Variants in SMC2 observed in about 807,000 individuals in gnomAD.
SMC2 encodes structural maintenance of chromosomes protein 2.
Under a neutral mutation model 142.6 loss-of-function variants are expected in SMC2, and 41 were observed. The ratio of observed to expected loss-of-function variants is 0.29; its 90% CI spans 0.22 to 0.37. SMC2 has a LOEUF of 0.37. Ranked by LOEUF, SMC2 falls within the 10% of genes least tolerant of loss-of-function variation. The pLI is 1.00. For synonymous variants in SMC2, 463 were observed against 457.5 expected (o/e 1.01, Z -0.15); for missense variants, 1,265 against 1,373.7 (o/e 0.92, Z 1.25).
intron 23 of SMC2, among the ~76,000 whole-genome samples, chr9:104,136,781 A>G (rs569165867): frequency 1.3e-4 from 18 of 141,506 alleles, no homozygotes; most frequent in African/African-American, 3.4e-4. Flanking sequence ...TTGGCTAGCA[A>G]TTTTTCTCTA....
intron 23 of SMC2, among the ~76,000 whole-genome samples, chr9:104,135,545 G>A (rs1194048615): frequency 6.6e-6 from 1 of 152,128 alleles, no homozygotes; most frequent in Non-Finnish European, 1.5e-5. Context: ...ATGTTTTCCA[G>A]ATTTGATGAA....
upstream of SMC2, among the ~76,000 whole-genome samples, chr9:104,093,453 T>C (rs1830113125): frequency 6.6e-6 from 1 of 152,188 alleles, no homozygotes; most frequent in South Asian, 2.1e-4. Flanking sequence ...CTTGGTCTCA[T>C]TTAACTCATT....
chr9:104,129,818 G>A lies in SMC2; in HGVS notation c.2964G>A (p.Met988Ile). 1 of 1,613,646 alleles carries A rather than the reference G, an allele frequency of 6.2e-7. No individual in the cohort carries two copies. The highest frequency in any genetic ancestry group is 8.5e-7 in the Non-Finnish European group (1 of 1,179,788). ...KLGRNVNMRA[M>I]NVLTEAEERY... ...GAAGAAATGTCAATATGAGAGCTAT[G>A]AATGTATTGACAGAAGCTGAAGAGC... The change falls in exon 21 of 25, where the codon ATG (methionine) becomes ATA (isoleucine). Residue 988 changes from methionine (M) to isoleucine (I), a missense_variant. By Grantham distance (10) the Met-to-Ile change is conservative. Coordinates refer to ENST00000374793, the MANE Select transcript of SMC2 (RefSeq NM_006444.3).
Position 104,131,989 on chromosome 9 carries a change from C to G in SMC2, c.2992-20C>G. ...AGAGATTTTATATTTTCCCAGTTAA[C>G]CATGTTTTTTATCTCATAGTACAAT... On this transcript the variant is annotated intron_variant, in intron 21 of 24. Coordinates refer to ENST00000374793, the MANE Select transcript of SMC2 (RefSeq NM_006444.3). 2 of 1,182,990 alleles carry G rather than the reference C, an allele frequency of 1.7e-6. No homozygotes were observed. Among genetic ancestry groups the G allele is most frequent in the South Asian group, 1.3e-5 (1 of 74,320 alleles). The allele number at this position is 1,182,990 out of a possible 1,614,324, so 73.3% of individuals were successfully genotyped here. A position where few individuals can be genotyped will look rare whatever the true frequency, so the allele number is the denominator to read the frequency against.
intron 19 of SMC2, 144 bp downstream of exon 19, chr9:104,126,928 G>C (rs1324302099): frequency 3.6e-6 from 3 of 824,296 alleles, no homozygotes; most frequent in African/African-American, 3.5e-5. Context: ...TACTCATCCA[G>C]AATTGCCAGT....
chr9:104,135,321 A>C (rs1416598119), intron 23 of SMC2, among the ~76,000 whole-genome samples: 5 of 152,132 alleles, frequency 3.3e-5, no homozygotes, highest in Admixed American at 3.3e-4. Context: ...AAAAAAGTTT[A>C]CTGCATGAGA....
At chr9:104,102,333 TAAA>T in intron 8 of SMC2, 88 bp from the exon 9 acceptor site, 1 of 1,266,324 alleles carries the variant, frequency 7.9e-7, no homozygotes, top group Non-Finnish European at 1.1e-6. Context: ...AAATAACTTA[TAAA>T]AAAGTGTTTG....
At chr9:104,129,905 T>G in intron 21 of SMC2, 60 bp downstream of exon 21, 1 of 1,235,802 alleles carries the variant, frequency 8.1e-7, no homozygotes, top group Non-Finnish European at 1.2e-6. Context: ...TTGACAGCTC[T>G]GTATGACCTC....
chr9:104,134,031 G>A (rs939271704), intron 22 of SMC2, among the ~76,000 whole-genome samples: 3 of 152,092 alleles, frequency 2.0e-5, no homozygotes, highest in African/African-American at 7.2e-5. Flanking sequence ...ATACAATTGT[G>A]TGTATCTTGA....
At chr9:104,133,137 TTTG>T (rs1303412694) in intron 22 of SMC2, among the ~76,000 whole-genome samples, 2 of 152,156 alleles carry the variant, frequency 1.3e-5, no homozygotes, top group Non-Finnish European at 2.9e-5. Flanking sequence ...TTGTTTTTGG[TTTG>T]TTTTCTTCAT....
At chr9:104,103,944 A>G (rs1831462039) in intron 9 of SMC2, among the ~76,000 whole-genome samples, 1 of 152,072 alleles carries the variant, frequency 6.6e-6, no homozygotes, top group African/African-American at 2.4e-5. Flanking sequence ...GAGGTTTGTA[A>G]AGCTCTAAAC....
chr9:104,113,231 A>G (rs999411737), intron 10 of SMC2, 85 bp from the exon 11 acceptor site: 2 of 1,046,346 alleles, frequency 1.9e-6, no homozygotes, highest in Middle Eastern at 4.4e-4. Context: ...GTCTCTTAGT[A>G]AAACCAATCT....
rs1002919888 is a variant in SMC2, at chr9:104,141,205, C to T, written c.*1890C>T. ...TTGTCATATTTAATCCTCAGAGTAA[C>T]CTAGTGAGGTAAATACTGTTGTTGT... is the stretch of plus-strand genomic sequence containing the variant. On this transcript the variant is annotated 3_prime_UTR_variant, in exon 25 of 25. Transcript: ENST00000374793. 1 of 152,030 alleles carries T rather than the reference C, an allele frequency of 6.6e-6. No individual in the cohort carries two copies. Among genetic ancestry groups the T allele is most frequent in the African/African-American group, 2.4e-5 (1 of 41,388 alleles). 9.4% of individuals were successfully genotyped at this position (152,030 alleles called of 1,614,324 possible). A position where few individuals can be genotyped will look rare whatever the true frequency, so the allele number is the denominator to read the frequency against.
intron 18 of SMC2, among the ~76,000 whole-genome samples, chr9:104,126,403 A>G (rs1834286938): frequency 6.6e-6 from 1 of 152,088 alleles, no homozygotes; most frequent in Non-Finnish European, 1.5e-5. Context: ...GGATAAAGAA[A>G]ATAATTTATG....
intron 1 of SMC2, 113 bp from the exon 2 acceptor site, chr9:104,095,211 T>C (rs1370258710): frequency 3.6e-6 from 2 of 560,450 alleles, no homozygotes; most frequent in Admixed American, 6.9e-5. Flanking sequence ...ACAAGATAGT[T>C]TGTCAAGTGG....
chr9:104,123,798 T>C (rs1833984501), intron 17 of SMC2, among the ~76,000 whole-genome samples: 1 of 152,200 alleles, frequency 6.6e-6, no homozygotes, highest in African/African-American at 2.4e-5. Context: ...TATTTTTGTT[T>C]TACAAAAGTT....
intron 2 of SMC2, among the ~76,000 whole-genome samples, chr9:104,095,814 G>GT (rs1474043079): frequency 6.6e-6 from 1 of 152,188 alleles, no homozygotes; most frequent in Non-Finnish European, 1.5e-5. Flanking sequence ...TCAACCCTGT[G>GT]TAATGATGCC....
intron 9 of SMC2, among the ~76,000 whole-genome samples, chr9:104,110,613 T>C (rs1226885802): frequency 3.2e-5 from 1 of 31,410 alleles, no homozygotes. Context: ...TAATTGAATC[T>C]AAGTCTTTAT....
intron 22 of SMC2, 102 bp downstream of exon 22, chr9:104,132,227 A>G (rs181770007): frequency 3.4e-5 from 24 of 697,698 alleles, no homozygotes; most frequent in Non-Finnish European, 5.6e-5. Flanking sequence ...CTATGTTTGA[A>G]TGAGGCACAT....
Sources: allele counts gnomAD v4.1 joint callset (sites outside exome capture counted in the v4.1 genomes callset), GRCh38; gene constraint gnomAD v4.1.1; transcripts MANE v1.5; gene names NCBI Gene and HGNC (gene_info 2026-07-23, HGNC 2026-07-21).